Variants in PEBP4 observed in about 807,000 individuals in gnomAD.
PEBP4 encodes the protein phosphatidylethanolamine-binding protein 4.
A neutral mutation model predicts 23.9 loss-of-function variants in PEBP4; 22 were observed. The observed-to-expected ratio is 0.92, with a 90% CI of 0.66 to 1.31. The LOEUF is 1.31. PEBP4 is among the 40% of genes most tolerant of loss of function. The pLI, the probability that PEBP4 is intolerant of heterozygous loss-of-function variation, is 0.00. For missense variants in PEBP4, 324 were observed against 281.7 expected, an observed-to-expected ratio of 1.15 and a Z score of -1.07; for synonymous variants, 112 against 99.3, an observed-to-expected ratio of 1.13 and a Z score of -0.76.
Position 22,713,558 on chromosome 8 carries a change from A to C in PEBP4, c.518-22T>G. 2.5e-6 allele frequency: 4 copies of C among 1,614,090 alleles called. No homozygotes were observed. In the South Asian group the frequency reaches 4.4e-5, roughly 18 times the overall value. On this transcript the variant is annotated intron_variant, in intron 6 of 6. Transcript: ENST00000256404. ...GAGCCTGGAAGGACAAACAGACCAC[A>C]GGGAGGCAGTGAGAAAGAGCCATGG... is the stretch of plus-strand genomic sequence containing the variant.
At chr8:22,840,840 A>G (rs1297486333) in intron 3 of PEBP4, among the ~76,000 whole-genome samples, 1 of 152,202 alleles carries the variant, frequency 6.6e-6, no homozygotes, top group African/African-American at 2.4e-5. Context: ...CCTGACACAC[A>G]TGAGACAAAC....
At chr8:22,787,361 C>A (rs1806049082) in intron 4 of PEBP4, among the ~76,000 whole-genome samples, 1 of 151,582 alleles carries the variant, frequency 6.6e-6, no homozygotes. Flanking sequence ...GGTCAGAGGG[C>A]AAGAATTACA....
At chr8:22,908,403 A>AAAT (rs1808863308) in intron 3 of PEBP4, among the ~76,000 whole-genome samples, 1 of 151,922 alleles carries the variant, frequency 6.6e-6, no homozygotes, top group South Asian at 2.1e-4. Flanking sequence ...CAAAAAAAAA[A>AAAT]ACCTGTCTAG....
intron 6 of PEBP4, among the ~76,000 whole-genome samples, chr8:22,721,726 G>A (rs1804522765): frequency 6.6e-6 from 1 of 152,018 alleles, no homozygotes; most frequent in Non-Finnish European, 1.5e-5. Flanking sequence ...CTGACACCCT[G>A]CTTCCTCCAC....
At chr8:22,919,794 G>T (rs1392857273) in intron 3 of PEBP4, among the ~76,000 whole-genome samples, 2 of 152,130 alleles carry the variant, frequency 1.3e-5, no homozygotes, top group African/African-American at 4.8e-5. Context: ...CAGGCACCCC[G>T]CGCCTTGAGA....
chr8:22,904,510 G>T (rs940676483), intron 3 of PEBP4, among the ~76,000 whole-genome samples: 1 of 151,998 alleles, frequency 6.6e-6, no homozygotes, highest in African/African-American at 2.4e-5. Context: ...TTCACCCCCC[G>T]TCCCCCATAG....
intron 3 of PEBP4, among the ~76,000 whole-genome samples, chr8:22,883,064 T>TC (rs1032288225): frequency 4.4e-4 from 67 of 152,282 alleles, no homozygotes; most frequent in African/African-American, 1.6e-3. Context: ...TAAAACTTCC[T>TC]CCTTCATGAG....
chr8:22,875,840 A>C (rs1285971342), intron 3 of PEBP4, among the ~76,000 whole-genome samples: 3 of 151,982 alleles, frequency 2.0e-5, no homozygotes, highest in Non-Finnish European at 4.4e-5. Flanking sequence ...TATTGCATTG[A>C]GTCTTCCTTC....
rs538090660 is a variant in PEBP4 at position 22,899,124 on chromosome 8, G to A, written c.258+21060C>T. Among the ~76,000 whole-genome samples, 8 of 152,338 alleles carry A rather than the reference G, an allele frequency of 5.3e-5. No homozygotes were observed. The South Asian group carries it at 1.7e-3, about 32-fold the overall frequency. On this transcript the variant is annotated intron_variant, in intron 3 of 6. Transcript: ENST00000256404. The stretch of plus-strand genomic sequence containing the variant: ...CTTCATCTGGAAAATGGGGGAAGTA[G>A]CAGTTCCTACCTCAAAGCATTGTTG...
chr8:22,832,996 T>C (rs927265766), intron 3 of PEBP4, among the ~76,000 whole-genome samples: 1 of 152,148 alleles, frequency 6.6e-6, no homozygotes, highest in Non-Finnish European at 1.5e-5. Context: ...ACCAGAATTA[T>C]TCAGATCAGC....
intron 3 of PEBP4, among the ~76,000 whole-genome samples, chr8:22,875,758 C>T (rs1401794510): frequency 6.6e-6 from 1 of 152,038 alleles, no homozygotes; most frequent in African/African-American, 2.4e-5. Flanking sequence ...CGTCACCCAC[C>T]CGCACTGTCC....
rs75081188 is a variant in PEBP4, at chr8:22,811,403, T to C, written c.357+6234A>G. ...TTTAAAAACATTCATCAAAAGATAA[T>C]ATTCCGCTTTGTAGCAACATTTTAT... On this transcript the variant is annotated intron_variant, in intron 4 of 6. Coordinates refer to ENST00000256404, the MANE Select transcript of PEBP4 (RefSeq NM_144962.3). Among the ~76,000 whole-genome samples, 3 of 152,214 alleles carry C rather than the reference T, an allele frequency of 2.0e-5. No individual in the cohort carries two copies. The East Asian group carries it at 5.8e-4, about 29-fold the overall frequency.
chr8:22,822,051 G>A (rs1391100125), intron 3 of PEBP4, among the ~76,000 whole-genome samples: 1 of 151,468 alleles, frequency 6.6e-6, no homozygotes, highest in Non-Finnish European at 1.5e-5. Flanking sequence ...TACTGTCATA[G>A]ATGCCAAGAG....
chr8:22,786,889 C>T (rs369016937), intron 4 of PEBP4, among the ~76,000 whole-genome samples: 6 of 151,704 alleles, frequency 4.0e-5, no homozygotes, highest in Non-Finnish European at 8.8e-5. Context: ...GGTATCATCA[C>T]GGCTCACTGC....
intron 4 of PEBP4, among the ~76,000 whole-genome samples, chr8:22,796,324 G>A (rs1189757248): frequency 2.0e-5 from 3 of 151,876 alleles, no homozygotes; most frequent in African/African-American, 7.3e-5. Flanking sequence ...TCCCCACTGG[G>A]TTTTGAGTTC....
rs1585161594 is a variant in PEBP4 at position 22,927,799 on chromosome 8, G to A, written c.-7+24C>T. 9 of 1,570,472 alleles carry A rather than the reference G, an allele frequency of 5.7e-6. No individual in the cohort carries two copies. The East Asian group carries it at 1.8e-4, about 32-fold the overall frequency. ...CCACTACCTGTGCCCCCGACCCCAG[G>A]GGCCCACTTGGCAGGATAGAGACCT... is the stretch of plus-strand genomic sequence containing the variant. On this transcript the variant is annotated intron_variant, in intron 1 of 6. Transcript: ENST00000256404.
intron 4 of PEBP4, among the ~76,000 whole-genome samples, chr8:22,749,964 G>A (rs1246365207): frequency 2.6e-5 from 4 of 151,754 alleles, no homozygotes; most frequent in Non-Finnish European, 5.9e-5. Context: ...GTGCCACCAT[G>A]TGGGGCTAAT....
chr8:22,801,093 A>T (rs1372323199), intron 4 of PEBP4, among the ~76,000 whole-genome samples: 2 of 152,102 alleles, frequency 1.3e-5, no homozygotes, highest in African/African-American at 4.8e-5. Context: ...CACAGAACTC[A>T]TGGAGAGTAG....
chr8:22,881,610 G>A (rs981575827), intron 3 of PEBP4, among the ~76,000 whole-genome samples: 15 of 152,120 alleles, frequency 9.9e-5, no homozygotes, highest in Non-Finnish European at 1.5e-4. Context: ...TCCAAATAGC[G>A]TTCTCCCCAT....
Sources: gnomAD v4.1 joint callset for allele counts (sites outside exome capture counted in the v4.1 genomes callset) on GRCh38, gnomAD v4.1.1 for gene constraint, MANE v1.5 for transcripts, NCBI Gene and HGNC (gene_info 2026-07-23, HGNC 2026-07-21) for gene names.